Variants in MSRA observed in about 807,000 individuals in gnomAD.
The protein encoded by MSRA is methionine sulfoxide reductase A.
In MSRA, 54 loss-of-function variants were observed where a neutral mutation model predicts 31.3. The ratio of observed to expected loss-of-function variants is 1.73; its 90% CI spans 1.39 to 2.17. The LOEUF (loss-of-function observed/expected upper bound fraction) is 2.17, where lower values mean the gene tolerates loss of function less well. MSRA is among the 30% of genes most tolerant of loss of function. MSRA has a pLI of 0.00. For missense variants in MSRA, 507 were observed against 300.9 expected, an observed-to-expected ratio of 1.69 and a Z score of -5.07; for synonymous variants, 169 against 116.5, an observed-to-expected ratio of 1.45 and a Z score of -2.90.
intron 3 of MSRA, among the ~76,000 whole-genome samples, chr8:10,300,123 T>TG (rs1800761411): frequency 1.6e-5 from 2 of 121,504 alleles, no homozygotes; most frequent in Admixed American, 8.2e-5. Context: ...GTGGAAGAAA[T>TG]TTGTGTGTGT....
At chr8:10,117,617 A>T (rs1270163729) in intron 1 of MSRA, among the ~76,000 whole-genome samples, 1 of 152,230 alleles carries the variant, frequency 6.6e-6, no homozygotes, top group Non-Finnish European at 1.5e-5. Flanking sequence ...ATAGATATAG[A>T]TAGTCTGTAA....
chr8:10,278,116 G>C (rs538989619), intron 3 of MSRA, among the ~76,000 whole-genome samples: 3 of 152,060 alleles, frequency 2.0e-5, no homozygotes, highest in Non-Finnish European at 4.4e-5. Context: ...TTATTCTACA[G>C]ATATCATTTT....
At chr8:10,167,788 TA>T (rs1053146553) in intron 1 of MSRA, among the ~76,000 whole-genome samples, 18 of 152,270 alleles carry the variant, frequency 1.2e-4, no homozygotes, top group African/African-American at 4.3e-4. Flanking sequence ...CTTTCTCTCA[TA>T]GTGAGATGTA....
At chr8:10,095,674 C>T (rs1799104477) in intron 1 of MSRA, 4 of 1,011,812 alleles carry the variant, frequency 4.0e-6, no homozygotes, top group Non-Finnish European at 4.7e-6. Flanking sequence ...GCTTGAGCTT[C>T]AGGAAAGAAA....
At chr8:10,290,519 C>G (rs1800175588) in intron 3 of MSRA, among the ~76,000 whole-genome samples, 1 of 152,200 alleles carries the variant, frequency 6.6e-6, no homozygotes, top group South Asian at 2.1e-4. Context: ...TGGTTCCTTT[C>G]CCAGCTTTGC....
chr8:10,287,785 G>T (rs1351117745), intron 3 of MSRA, among the ~76,000 whole-genome samples: 5 of 152,138 alleles, frequency 3.3e-5, no homozygotes, highest in African/African-American at 1.2e-4. Context: ...AGACCCAGGG[G>T]TCAAGGGGAC....
At chr8:10,355,321 G>A (rs1804443862) in intron 5 of MSRA, among the ~76,000 whole-genome samples, 1 of 152,246 alleles carries the variant, frequency 6.6e-6, no homozygotes, top group African/African-American at 2.4e-5. Context: ...CATTGTCAGA[G>A]ACTCGGGATT....
intron 1 of MSRA, among the ~76,000 whole-genome samples, chr8:10,055,249 G>T (rs533834784): frequency 1.7e-4 from 26 of 152,370 alleles, no homozygotes; most frequent in Non-Finnish European, 3.1e-4. Context: ...TGCTGGGTCA[G>T]CTTAAAGCGA....
rs758611099 is a variant in MSRA, at chr8:10,127,232, C to T, written c.142+72574C>T. Reference sequence around the variant, plus strand: ...TTTGCCAAGTGTTCCATTATTGGAACGCTAAGCATGTGGGAGTTATTTGTA... The same window carrying T: ...TTTGCCAAGTGTTCCATTATTGGAATGCTAAGCATGTGGGAGTTATTTGTA... On this transcript the variant is annotated intron_variant, in intron 1 of 5. Transcript: ENST00000317173. Among the ~76,000 whole-genome samples the T allele has an allele frequency of 5.3e-5, 8 of 152,072 alleles. No individual in the cohort carries two copies. The East Asian group carries it at 5.8e-4, about 11-fold the overall frequency.
At chr8:10,102,139 G>A (rs549083075) in intron 1 of MSRA, among the ~76,000 whole-genome samples, 154 of 152,082 alleles carry the variant, frequency 1.0e-3, no homozygotes, top group South Asian at 5.4e-3. Flanking sequence ...TCCTGTTTGG[G>A]GCTCATTCAC....
At chr8:10,210,190 C>T (rs1809353333) in intron 2 of MSRA, among the ~76,000 whole-genome samples, 1 of 152,138 alleles carries the variant, frequency 6.6e-6, no homozygotes, top group Non-Finnish European at 1.5e-5. Context: ...ATCCTGCCAG[C>T]CTCTTGCAAA....
intron 3 of MSRA, among the ~76,000 whole-genome samples, chr8:10,253,364 G>A (rs17151478): frequency 6.6e-6 from 1 of 151,950 alleles, no homozygotes; most frequent in Non-Finnish European, 1.5e-5. Flanking sequence ...TTCAACTCAC[G>A]TCTCTCCTTG....
At chr8:10,393,021 C>T (rs1246976158) in intron 5 of MSRA, among the ~76,000 whole-genome samples, 3 of 145,770 alleles carry the variant, frequency 2.1e-5, no homozygotes, top group Non-Finnish European at 4.5e-5. Context: ...GAGATAGCGC[C>T]GCTGCACTCC....
chr8:10,361,459 T>C (rs1476163499), intron 5 of MSRA, among the ~76,000 whole-genome samples: 1 of 152,254 alleles, frequency 6.6e-6, no homozygotes, highest in South Asian at 2.1e-4. Flanking sequence ...CTGGGCAAAA[T>C]TTTGAAATAG....
chr8:10,287,623 T>C (rs1250206056), intron 3 of MSRA, among the ~76,000 whole-genome samples: 1 of 152,190 alleles, frequency 6.6e-6, no homozygotes, highest in Non-Finnish European at 1.5e-5. Context: ...GACTTACTAT[T>C]AGTGTCTTGG....
chr8:10,158,534 A>G (rs1187657713), intron 1 of MSRA, among the ~76,000 whole-genome samples: 1 of 152,262 alleles, frequency 6.6e-6, no homozygotes, highest in Non-Finnish European at 1.5e-5. Flanking sequence ...GTGTTGTAGC[A>G]TGCATCAGTG....
intron 3 of MSRA, among the ~76,000 whole-genome samples, chr8:10,252,310 A>G (rs6985068): frequency 0.57 from 86,377 of 151,962 alleles, 25,521 homozygotes; most frequent in Non-Finnish European, 0.65. Flanking sequence ...TGAGGTGGAC[A>G]GTCAAGGATT....
Position 10,330,034 on chromosome 8 carries a change from G to C in MSRA, c.543+10045G>C, listed in dbSNP as rs868597402. 6.2e-3 allele frequency among the ~76,000 whole-genome samples: 937 copies of C among 151,432 alleles called. 5 individuals carry two copies. The highest frequency in any genetic ancestry group is 0.014 in the Middle Eastern group (4 of 294). ...TGTGTGTGTGTGTGTGTGTGTGTGT[G>C]TGTGTGTGTGATCAAAAAGCATTTG... On this transcript the variant is annotated intron_variant, in intron 5 of 5. Coordinates refer to ENST00000317173, the MANE Select transcript of MSRA (RefSeq NM_012331.5).
intron 2 of MSRA, 133 bp downstream of exon 2, chr8:10,208,034 A>C: frequency 1.6e-6 from 1 of 626,082 alleles, no homozygotes; most frequent in Non-Finnish European, 2.7e-6. Context: ...TACAGCCAAG[A>C]AAACTATTGA....
Sources: gnomAD v4.1 joint callset for allele counts (sites outside exome capture counted in the v4.1 genomes callset) on GRCh38, gnomAD v4.1.1 for gene constraint, MANE v1.5 for transcripts, NCBI Gene and HGNC (gene_info 2026-07-23, HGNC 2026-07-21) for gene names.